Variants in SGO2 observed in about 807,000 individuals in gnomAD.
SGO2 encodes the protein shugoshin 2.
SGO2 carries 68 observed loss-of-function variants against 99.5 expected under a neutral mutation model. The ratio of observed to expected loss-of-function variants is 0.68; its 90% CI spans 0.56 to 0.84. The LOEUF is 0.84. Ranked by LOEUF, SGO2 falls within the 40% of genes least tolerant of loss-of-function variation. The pLI is 0.00. For synonymous variants in SGO2, 457 were observed against 487.1 expected, an observed-to-expected ratio of 0.94 and a Z score of 0.81; for missense variants, 1,350 against 1,436.7, an observed-to-expected ratio of 0.94 and a Z score of 0.97.
Position 200,575,302 on chromosome 2 carries a change from CT to C in SGO2, c.3632-4del. On this transcript the variant is annotated splice_region_variant and splice_polypyrimidine_tract_variant and intron_variant, in intron 7 of 8. Transcript: ENST00000357799. ...TAAAATATTTGTGAAAAATAATATT[CT>C]TTTTCAGGTGATAGACCATTACAGG... 1 of 1,512,578 alleles carries C rather than the reference CT, an allele frequency of 6.6e-7. No individual in the cohort carries two copies. The highest frequency in any genetic ancestry group is 1.3e-5 in the South Asian group (1 of 78,484). The allele number at this position is 1,512,578 out of a possible 1,614,324, so 93.7% of individuals were successfully genotyped here.
chr2:200,578,311 A>G (rs1343431166), intron 8 of SGO2, among the ~76,000 whole-genome samples: 4 of 152,188 alleles, frequency 2.6e-5, no homozygotes, highest in African/African-American at 9.6e-5. Context: ...TCCTTTTGAC[A>G]TGACTTCATA....
intron 5 of SGO2, among the ~76,000 whole-genome samples, chr2:200,555,870 A>G (rs2032689658): frequency 6.6e-6 from 1 of 152,224 alleles, no homozygotes; most frequent in Non-Finnish European, 1.5e-5. Flanking sequence ...CTGGGGTTTC[A>G]TGAGGTAAAT....
At position 200,573,189 on chromosome 2, in the gene SGO2, C is replaced by A. The variant is rs774774520; in HGVS notation, c.2843C>A (p.Ser948Tyr). Residue 948 changes from serine to tyrosine, a missense_variant, in exon 7 of 9, where the codon TCT (serine) becomes TAT (tyrosine). Transcript: ENST00000357799. ...TKDLDFKVNK[S>Y]KQKLECQDII... ...GATCTTGATTTTAAAGTAAATAAAT[C>A]TAAACAAAAACTTGAATGCCAAGAC... 17 of 1,577,880 alleles carry A rather than the reference C, an allele frequency of 1.1e-5. No individual in the cohort carries two copies. The Middle Eastern group carries it at 5.1e-4, about 47-fold the overall frequency.
Position 200,573,931 on chromosome 2 carries a change from C to G in SGO2, c.3585C>G (p.Asn1195Lys), listed in dbSNP as rs1253028978. ...QVSDDEHEKM[N>K]KMKFKVNRRT... ...GTGATGATGAGCATGAGAAGATGAA[C>G]AAGATGAAATTTAAAGTCAACCGGA... The change falls in exon 7 of 9, where the codon AAC becomes AAG. Residue 1195 changes from asparagine (N) to lysine (K), a missense_variant. By Grantham distance (94) the Asn-to-Lys change is moderately conservative. Coordinates refer to ENST00000357799, the MANE Select transcript of SGO2 (RefSeq NM_152524.6). 1.2e-6 allele frequency: 2 copies of G among 1,602,392 alleles called. No individual in the cohort carries two copies. The highest frequency in any genetic ancestry group is 2.7e-5 in the African/African-American group (2 of 74,160).
At chr2:200,547,001 A>T (rs892277560) in intron 5 of SGO2, among the ~76,000 whole-genome samples, 2 of 152,216 alleles carry the variant, frequency 1.3e-5, no homozygotes, top group Admixed American at 1.3e-4. Flanking sequence ...AGAAAGATAT[A>T]CATGTCCAGG....
intron 1 of SGO2, among the ~76,000 whole-genome samples, chr2:200,529,981 T>G (rs538543775): frequency 1.3e-5 from 2 of 152,368 alleles, no homozygotes; most frequent in East Asian, 3.9e-4. Context: ...GACCTGAGGC[T>G]GAAGAATGCC....
At chr2:200,532,285 T>TG in intron 1 of SGO2, 1 of 272,014 alleles carries the variant, frequency 3.7e-6, no homozygotes, top group Non-Finnish European at 4.8e-6. Flanking sequence ...TTTTTTTTTG[T>TG]TTTTTTTTTT....
chr2:200,534,645 C>G (rs1472088137), intron 2 of SGO2, among the ~76,000 whole-genome samples: 2 of 152,184 alleles, frequency 1.3e-5, no homozygotes, highest in Non-Finnish European at 2.9e-5. Flanking sequence ...TCCATTCTGT[C>G]TGCTAGTCAA....
intron 5 of SGO2, among the ~76,000 whole-genome samples, chr2:200,546,329 G>T (rs1175046473): frequency 7.2e-6 from 1 of 138,736 alleles, no homozygotes; most frequent in Non-Finnish European, 1.5e-5. Context: ...CTCCAGCCTG[G>T]GCTATCGAGC....
At position 200,570,998 on chromosome 2, in the gene SGO2, A is replaced by G; in HGVS notation, c.704-52A>G. On this transcript the variant is annotated intron_variant, in intron 6 of 8. Coordinates refer to ENST00000357799, the MANE Select transcript of SGO2 (RefSeq NM_152524.6). The surrounding 1 kb of genome is among the most constrained non-coding windows in gnomAD (Gnocchi z 4.4). ...TTTCGAATCTAATTTGTTTAAGGTA[A>G]CTTATTTATTTCATTACTTGTTTCT... is the stretch of plus-strand genomic sequence containing the variant. The G allele has an allele frequency of 6.8e-7, 1 of 1,479,968 alleles. No homozygotes were observed. The allele number at this position is 1,479,968 out of a possible 1,614,324, so 91.7% of individuals were successfully genotyped here. A position where few individuals can be genotyped will look rare whatever the true frequency, so the allele number is the denominator to read the frequency against.
rs527506494 is a variant in SGO2, at chr2:200,582,500, G to GA, written c.3783-942dup. Among the ~76,000 whole-genome samples the GA allele has an allele frequency of 1.9e-3, 290 of 151,914 alleles. 2 individuals carry two copies. Among genetic ancestry groups the GA allele is most frequent in the Middle Eastern group, 6.8e-3 (2 of 294 alleles). On this transcript the variant is annotated intron_variant, in intron 8 of 8. Transcript: ENST00000357799. Reference sequence around the variant, plus strand: ...ATAACTTGGGTGCTGAATTAAGGAGGAAAAAAATCTTTCCTTAGAATTCAT... The same window carrying GA: ...ATAACTTGGGTGCTGAATTAAGGAGGAAAAAAAATCTTTCCTTAGAATTCAT...
At chr2:200,548,038 G>C (rs138457916) in intron 5 of SGO2, among the ~76,000 whole-genome samples, 269 of 150,148 alleles carry the variant, frequency 1.8e-3, no homozygotes, top group South Asian at 4.3e-3. Flanking sequence ...CTGCAATACA[G>C]TAATAGTAGG....
In SGO2 at chr2:200,571,567, A is replaced by C; in HGVS notation, c.1221A>C (p.Glu407Asp). 6.2e-7 allele frequency: 1 copy of C among 1,612,184 alleles called. No individual in the cohort carries two copies. Among genetic ancestry groups the C allele is most frequent in the South Asian group, 1.1e-5 (1 of 90,450 alleles). Residue 407 changes from glutamate (E) to aspartate (D), a missense_variant, in exon 7 of 9, where the codon GAA becomes GAC. Coordinates refer to ENST00000357799, the MANE Select transcript of SGO2 (RefSeq NM_152524.6). ...TFRKVKDSSS[E>D]KKRERSKRQF... ...GAAAAGTGAAAGATTCCAGCTCTGA[A>C]AAAAAGAGAGAAAGATCAAAGAGAC... is the stretch of plus-strand genomic sequence containing the variant.
intron 5 of SGO2, among the ~76,000 whole-genome samples, chr2:200,564,447 C>G (rs2033103668): frequency 6.6e-6 from 1 of 152,282 alleles, no homozygotes; most frequent in African/African-American, 2.4e-5. Context: ...GATTTCTGTT[C>G]TTTTACATTT....
chr2:200,536,929 G>A (rs1422825421), intron 4 of SGO2, among the ~76,000 whole-genome samples: 1 of 151,934 alleles, frequency 6.6e-6, no homozygotes, highest in East Asian at 1.9e-4. Context: ...ACCTCATGCA[G>A]GTGATTGCTT....
intron 6 of SGO2, 76 bp downstream of exon 6, chr2:200,569,968 A>G: frequency 1.1e-6 from 1 of 952,340 alleles, no homozygotes; most frequent in Non-Finnish European, 1.6e-6. Flanking sequence ...GAGGGCAATT[A>G]TGTATAACAG....
In SGO2 at chr2:200,583,638, TA is replaced by T. The variant is rs2033907314; in HGVS notation, c.*178del. 2.0e-5 allele frequency: 8 copies of T among 408,868 alleles called. No homozygotes were observed. In the South Asian group the frequency reaches 5.7e-4, roughly 29 times the overall value. 25.3% of individuals were successfully genotyped at this position (408,868 alleles called of 1,614,324 possible). A position where few individuals can be genotyped will look rare whatever the true frequency, so the allele number is the denominator to read the frequency against. ...ATGTTTATTAATAGGTATATGTGCATAAAATAGCTATTTTGTAACATTAAAC... is the reference window on the plus strand; with the variant it reads ...ATGTTTATTAATAGGTATATGTGCATAAATAGCTATTTTGTAACATTAAAC... On this transcript the variant is annotated 3_prime_UTR_variant, in exon 9 of 9. Coordinates refer to ENST00000357799, the MANE Select transcript of SGO2 (RefSeq NM_152524.6).
At chr2:200,561,011 T>C (rs928700284) in intron 5 of SGO2, among the ~76,000 whole-genome samples, 5 of 152,242 alleles carry the variant, frequency 3.3e-5, no homozygotes, top group African/African-American at 1.2e-4. Flanking sequence ...TAAAGTTTAT[T>C]GGTGTAAAGT....
chr2:200,565,542 G>C lies in SGO2; in HGVS notation c.474-4121G>C, dbSNP rs2033153642. Among the ~76,000 whole-genome samples, 3 of 152,082 alleles carry C rather than the reference G, an allele frequency of 2.0e-5. No individual in the cohort carries two copies. The South Asian group carries it at 6.2e-4, about 32-fold the overall frequency. ...GGTGAATCTGACAATTATGTGTCTT[G>C]GAGTTGCTCTTCTCAAGGAGTATCT... is the stretch of plus-strand genomic sequence containing the variant. On this transcript the variant is annotated intron_variant, in intron 5 of 8. Coordinates refer to ENST00000357799, the MANE Select transcript of SGO2 (RefSeq NM_152524.6).
Sources: allele counts gnomAD v4.1 joint callset (sites outside exome capture counted in the v4.1 genomes callset), GRCh38; gene constraint gnomAD v4.1.1; non-coding constraint Gnocchi (gnomAD v3.1); transcripts MANE v1.5; gene names NCBI Gene and HGNC (gene_info 2026-07-23, HGNC 2026-07-21).